SMAD9: variants seen among roughly 807,000 people sequenced by gnomAD.
SMAD9 encodes SMAD family member 9, also known as MAD homolog 9.
Under a neutral mutation model 46.1 loss-of-function variants are expected in SMAD9, and 36 were observed. That is an observed-to-expected ratio of 0.78 (90% CI 0.60 to 1.03). SMAD9 has a LOEUF of 1.03. SMAD9 is among the 50% of genes least tolerant of loss of function. SMAD9 has a pLI of 0.00. For missense variants in SMAD9, 572 were observed against 599.8 expected, an observed-to-expected ratio of 0.95 and a Z score of 0.48; for synonymous variants, 245 against 237.1, an observed-to-expected ratio of 1.03 and a Z score of -0.31.
chr13:36,909,998 C>G (rs187309916), intron 1 of SMAD9, among the ~76,000 whole-genome samples: 2 of 151,446 alleles, frequency 1.3e-5, no homozygotes, highest in South Asian at 2.1e-4. Flanking sequence ...GAGATCGAGA[C>G]CATCCTGGCT....
chr13:36,916,336 G>A (rs1271300887), intron 1 of SMAD9, among the ~76,000 whole-genome samples: 7 of 152,122 alleles, frequency 4.6e-5, no homozygotes, highest in African/African-American at 1.7e-4. Flanking sequence ...ATCTGATATG[G>A]AAAACTGCTA....
chr13:36,866,483 CTT>C (rs1176177778), intron 4 of SMAD9, among the ~76,000 whole-genome samples: 7 of 152,132 alleles, frequency 4.6e-5, no homozygotes, highest in African/African-American at 1.7e-4. Flanking sequence ...CACTCACACC[CTT>C]TCTCTGCCTT....
chr13:36,913,875 T>C (rs984869671), intron 1 of SMAD9, among the ~76,000 whole-genome samples: 1 of 152,236 alleles, frequency 6.6e-6, no homozygotes, highest in Non-Finnish European at 1.5e-5. Context: ...TCCACATTCA[T>C]TACCACCATT....
At chr13:36,849,005 A>T (rs925094972) in intron 6 of SMAD9, among the ~76,000 whole-genome samples, 186 bp from the exon 7 acceptor site, 8 of 152,222 alleles carry the variant, frequency 5.3e-5, no homozygotes, top group Non-Finnish European at 7.3e-5. Flanking sequence ...AGATGCCTTC[A>T]GATGAATCCA....
chr13:36,911,082 C>T (rs1275925408), intron 1 of SMAD9, among the ~76,000 whole-genome samples: 3 of 152,032 alleles, frequency 2.0e-5, no homozygotes, highest in African/African-American at 7.2e-5. Context: ...CATGGCTCAC[C>T]GCAGCCTCAA....
intron 1 of SMAD9, among the ~76,000 whole-genome samples, chr13:36,908,207 G>C (rs780663062): frequency 1.9e-4 from 29 of 152,132 alleles, no homozygotes; most frequent in Non-Finnish European, 3.1e-4. Flanking sequence ...TTTTTAATGA[G>C]ATCTGTTTTC....
intron 1 of SMAD9, among the ~76,000 whole-genome samples, chr13:36,889,847 T>TTGGCA (rs1306830288): frequency 6.6e-6 from 1 of 152,128 alleles, no homozygotes; most frequent in Non-Finnish European, 1.5e-5. Context: ...AAACCTCTTA[T>TTGGCA]ACTTTGGCAA....
rs564566629 is a variant in SMAD9, at chr13:36,893,711, G to A, written c.-186-13836C>T. 5.3e-5 allele frequency among the ~76,000 whole-genome samples: 8 copies of A among 151,606 alleles called. No individual in the cohort carries two copies. The South Asian group carries it at 1.5e-3, about 28-fold the overall frequency. On this transcript the variant is annotated intron_variant, in intron 1 of 6. Transcript: ENST00000379826. ...AGTATGAAATCATTTAGTTTAAAAA[G>A]AAATAAAAACTAAATATCCTAGAGA...
rs535166990 is a variant in SMAD9, at chr13:36,857,179, T to C, written c.1004-3504A>G. ...TTACTGCAGCCTACATTCTGACAGT[T>C]CTGTATGAAATGCTTAAAAGAGACA... On this transcript the variant is annotated intron_variant, in intron 5 of 6. Coordinates refer to ENST00000379826, the MANE Select transcript of SMAD9 (RefSeq NM_001127217.3). Among the ~76,000 whole-genome samples the C allele has an allele frequency of 1.9e-4, 28 of 149,898 alleles. 1 individual carries two copies. In the South Asian group the frequency reaches 5.1e-3, roughly 27 times the overall value.
intron 6 of SMAD9, chr13:36,852,459 C>T: frequency 1.0e-6 from 1 of 985,144 alleles, no homozygotes; most frequent in Non-Finnish European, 1.2e-6. Flanking sequence ...CATATACAAA[C>T]CCAGTTGTCT....
intron 1 of SMAD9, among the ~76,000 whole-genome samples, chr13:36,885,751 G>A (rs1001739618): frequency 2.0e-5 from 3 of 151,668 alleles, no homozygotes; most frequent in African/African-American, 7.3e-5. Flanking sequence ...TGAATTGTAT[G>A]CTCATTTTGG....
chr13:36,879,996 C>T (rs1485449305), intron 1 of SMAD9, 121 bp from the exon 2 acceptor site: 3 of 405,918 alleles, frequency 7.4e-6, no homozygotes, highest in Non-Finnish European at 1.4e-5. Context: ...GTGAATGGCT[C>T]GAGCCCAGGA....
chr13:36,884,754 G>A (rs2058431057), intron 1 of SMAD9, among the ~76,000 whole-genome samples: 1 of 152,178 alleles, frequency 6.6e-6, no homozygotes, highest in Non-Finnish European at 1.5e-5. Flanking sequence ...TTCAGTTGGT[G>A]ATTTTAATCC....
At chr13:36,885,516 C>T (rs1001308314) in intron 1 of SMAD9, among the ~76,000 whole-genome samples, 28 of 152,232 alleles carry the variant, frequency 1.8e-4, no homozygotes, top group African/African-American at 6.0e-4. Context: ...TGCATATACC[C>T]GTTTAGTACC....
chr13:36,906,061 G>C (rs1331595744), intron 1 of SMAD9, among the ~76,000 whole-genome samples: 5 of 152,006 alleles, frequency 3.3e-5, no homozygotes, highest in African/African-American at 1.2e-4. Flanking sequence ...AAATAACAAA[G>C]ACTCTAAGGA....
chr13:36,851,348 C>T (rs1043854472), intron 6 of SMAD9, among the ~76,000 whole-genome samples: 1 of 152,174 alleles, frequency 6.6e-6, no homozygotes, highest in African/African-American at 2.4e-5. Flanking sequence ...GGTCCCTGGG[C>T]CTAGCTCCAT....
At chr13:36,879,201 T>C in intron 2 of SMAD9, 77 bp downstream of exon 2, 2 of 1,240,836 alleles carry the variant, frequency 1.6e-6, no homozygotes, top group South Asian at 2.4e-5. Flanking sequence ...TGTCTGCTGG[T>C]GCCCCATCAT....
chr13:36,867,150 T>C, intron 4 of SMAD9, 123 bp downstream of exon 4: 1 of 696,978 alleles, frequency 1.4e-6, no homozygotes, highest in Admixed American at 2.1e-5. Context: ...ATTTGCCTCT[T>C]AAAACACATG....
rs75237038 is a variant in SMAD9 at position 36,916,819 on chromosome 13, G to C, written c.-187+3297C>G. ...TCACAGAAAGTCCCGTGAAGGCAGCGCCTGAACAGGGCATACAAGATGAAG... is the reference window on the plus strand; with the variant it reads ...TCACAGAAAGTCCCGTGAAGGCAGCCCCTGAACAGGGCATACAAGATGAAG... On this transcript the variant is annotated intron_variant, in intron 1 of 6. Coordinates refer to ENST00000379826, the MANE Select transcript of SMAD9 (RefSeq NM_001127217.3). 7.9e-5 allele frequency among the ~76,000 whole-genome samples: 12 copies of C among 151,208 alleles called. No individual in the cohort carries two copies. The East Asian group carries it at 1.7e-3, about 22-fold the overall frequency.
Sources: gnomAD v4.1 joint callset for allele counts (sites outside exome capture counted in the v4.1 genomes callset) on GRCh38, gnomAD v4.1.1 for gene constraint, MANE v1.5 for transcripts, NCBI Gene and HGNC (gene_info 2026-07-23, HGNC 2026-07-21) for gene names.